ABR: variants seen among roughly 807,000 people sequenced by gnomAD.
ABR encodes ABR activator of RhoGEF and GTPase, also known as active breakpoint cluster region-related protein.
A neutral mutation model predicts 107.2 loss-of-function variants in ABR; 35 were observed. That is an observed-to-expected ratio of 0.33 (90% CI 0.25 to 0.43). The LOEUF is 0.43. ABR is among the 20% of genes least tolerant of loss of function. The pLI is 1.00. For missense variants in ABR, 815 were observed against 1,115.2 expected (o/e 0.73, Z 3.83); for synonymous variants, 498 against 462.0 (o/e 1.08, Z -1.00).
intron 2 of ABR, among the ~76,000 whole-genome samples, chr17:1,109,742 G>C (rs997004374): frequency 6.6e-6 from 1 of 152,112 alleles, no homozygotes; most frequent in African/African-American, 2.4e-5. Context: ...GAGGAGTCAG[G>C]CTTTGCAACA....
At chr17:1,194,567 C>T (rs570878627) in intron 1 of ABR, among the ~76,000 whole-genome samples, 1 of 129,384 alleles carries the variant, frequency 7.7e-6, no homozygotes, top group African/African-American at 2.6e-5. Context: ...TCATAGCTCA[C>T]TACAGTCTCG....
upstream of ABR, among the ~76,000 whole-genome samples, chr17:1,180,127 A>AG (rs2042082430): frequency 1.5e-5 from 2 of 134,620 alleles, no homozygotes; most frequent in East Asian, 2.1e-4. Flanking sequence ...GGCCGGGCTA[A>AG]GGGGGCAGCG....
In ABR at chr17:1,012,572, C is replaced by CG. The variant is rs765550344; in HGVS notation, c.1961+115dup. ...ACACCGGCCATCTGCCACCGCCGAG[C>CG]GGGGGGTAACTGATTAGGTGCCAGG... On this transcript the variant is annotated intron_variant, in intron 18 of 22. Coordinates refer to ENST00000302538, the MANE Select transcript of ABR (RefSeq NM_021962.5). 7.9e-5 allele frequency: 61 copies of CG among 772,880 alleles called. No individual in the cohort carries two copies. The Middle Eastern group carries it at 3.8e-3, about 48-fold the overall frequency. 47.9% of individuals were successfully genotyped at this position (772,880 alleles called of 1,614,324 possible).
At chr17:1,012,902 C>A in intron 17 of ABR, 105 bp from the exon 18 acceptor site, 1 of 1,116,108 alleles carries the variant, frequency 9.0e-7, no homozygotes, top group Non-Finnish European at 1.3e-6. Flanking sequence ...TGAGGGCTAG[C>A]TCACACCCAG....
intron 16 of ABR, among the ~76,000 whole-genome samples, chr17:1,026,486 G>T (rs1246007418): frequency 2.0e-5 from 3 of 152,190 alleles, no homozygotes; most frequent in East Asian, 3.9e-4. Flanking sequence ...CTCAGGAGCT[G>T]GTTCCGCTGT....
intron 16 of ABR, among the ~76,000 whole-genome samples, chr17:1,029,885 G>T (rs369035013): frequency 2.0e-5 from 3 of 151,290 alleles, no homozygotes; most frequent in East Asian, 4.0e-4. Context: ...CTGCGTCCAC[G>T]ACACGGACAC....
In ABR at chr17:1,005,508, C is replaced by T. The variant is rs557142307; in HGVS notation, c.*572G>A. The T allele has an allele frequency of 5.9e-5, 13 of 221,866 alleles. No individual in the cohort carries two copies. Among genetic ancestry groups the T allele is most frequent in the African/African-American group, 2.7e-4 (12 of 44,312 alleles). 13.7% of individuals were successfully genotyped at this position (221,866 alleles called of 1,614,324 possible). ...GCAGCATCAAACAGACCACTGCTGC[C>T]GCGGCAACCCAGGGCCTCTTCAGAG... On this transcript the variant is annotated 3_prime_UTR_variant, in exon 23 of 23. Transcript: ENST00000302538.
intron 2 of ABR, among the ~76,000 whole-genome samples, chr17:1,110,596 G>A (rs1431778329): frequency 6.6e-6 from 1 of 152,148 alleles, no homozygotes; most frequent in Non-Finnish European, 1.5e-5. Flanking sequence ...TGTGGCCCGA[G>A]TTCAGGCCAC....
intron 4 of ABR, 147 bp from the exon 5 acceptor site, chr17:1,083,774 A>C (rs1364678556): frequency 4.4e-6 from 3 of 679,588 alleles, no homozygotes; most frequent in Non-Finnish European, 8.0e-6. Context: ...AAACGCAGGG[A>C]TGAACATATT....
chr17:1,126,464 C>T (rs1159757764), intron 1 of ABR: 1 of 152,340 alleles, frequency 6.6e-6, no homozygotes, highest in African/African-American at 2.4e-5. Flanking sequence ...GGGTAAGCTT[C>T]AGCACTCGTG....
chr17:1,134,865 T>C (rs73975646), intron 1 of ABR, among the ~76,000 whole-genome samples: 150,732 of 152,374 alleles, frequency 0.99, 74,576 homozygotes, highest in Middle Eastern at 1. Flanking sequence ...TGGCACAGGG[T>C]GGCTGCTACT....
At position 1,070,052 on chromosome 17, in the gene ABR, C is replaced by T. The variant is rs970351607; in HGVS notation, c.933G>A (p.Val311=). 1.2e-6 allele frequency: 2 copies of T among 1,613,770 alleles called. No individual in the cohort carries two copies. The highest frequency in any genetic ancestry group is 1.3e-5 in the African/African-American group (1 of 74,938). The change falls in exon 9 of 23, where the codon GTG becomes GTA. Residue 311 remains valine, a synonymous_variant. Coordinates refer to ENST00000302538, the MANE Select transcript of ABR (RefSeq NM_021962.5). The surrounding 1 kb of genome is among the most constrained non-coding windows in gnomAD (Gnocchi z 4.2). The part of the protein sequence containing the change: ...QLVKDGFLVE[V]SESSRKLRHV... ...GCCGCAGCTTCCGGGAGCTCTCTGA[C>T]ACTTCCACCAGGAAGCCGTCCTTCA... is the stretch of plus-strand genomic sequence containing the variant.
chr17:1,013,328 C>T, intron 16 of ABR, 164 bp from the exon 17 acceptor site: 1 of 735,410 alleles, frequency 1.4e-6, no homozygotes, highest in South Asian at 1.8e-5. Context: ...TTGGGGGGAC[C>T]CTAGCCCCCA....
Position 1,012,757 on chromosome 17 carries a change from A to C in ABR, c.1892T>G (p.Met631Arg). 6.3e-7 allele frequency: 1 copy of C among 1,598,014 alleles called. No individual in the cohort carries two copies. The highest frequency in any genetic ancestry group is 8.5e-7 in the Non-Finnish European group (1 of 1,171,662). ...EFSMKFTSRD[M>R]SLKRTPSKKQ... ...TTTGGACGGGGTCCTCTTCAGGCTC[A>C]TATCTCGGCTGGTGAATTTCATGGA... The change falls in exon 18 of 23, where the codon ATG becomes AGG. Residue 631 changes from methionine to arginine, a missense_variant. This residue lies in a region of ABR where 92 missense variants were observed against 82.3 expected (regional missense o/e 1.12). Transcript: ENST00000302538.
At chr17:1,215,571 C>T (rs2042985043) in intron 1 of ABR, among the ~76,000 whole-genome samples, 1 of 152,090 alleles carries the variant, frequency 6.6e-6, no homozygotes, top group African/African-American at 2.4e-5. Context: ...AGTGCAGTGG[C>T]GTGATCTCGG....
intron 1 of ABR, among the ~76,000 whole-genome samples, chr17:1,159,766 TCA>T (rs1258351578): frequency 6.6e-6 from 1 of 151,274 alleles, no homozygotes; most frequent in Non-Finnish European, 1.5e-5. Flanking sequence ...AACGCAGTAC[TCA>T]CACACAGGAA....
At chr17:1,186,298 A>T (rs148732713) in intron 1 of ABR, among the ~76,000 whole-genome samples, 2 of 152,230 alleles carry the variant, frequency 1.3e-5, no homozygotes, top group Admixed American at 1.3e-4. Context: ...CGGCTTTTCC[A>T]GCAGCCAGTG....
chr17:1,025,776 G>A (rs1040766946), intron 16 of ABR, among the ~76,000 whole-genome samples: 11 of 151,994 alleles, frequency 7.2e-5, no homozygotes, highest in African/African-American at 1.9e-4. Context: ...TCATCTGACC[G>A]GCAAGGATCT....
intron 16 of ABR, among the ~76,000 whole-genome samples, chr17:1,021,947 T>C (rs2071701149): frequency 6.6e-6 from 1 of 150,690 alleles, no homozygotes; most frequent in Non-Finnish European, 1.5e-5. Flanking sequence ...TCACTCGAGC[T>C]CAGGAGTTCG....
Sources: gnomAD v4.1 joint callset for allele counts (sites outside exome capture counted in the v4.1 genomes callset) on GRCh38, gnomAD v4.1.1 for gene constraint, gnomAD v4.1.1 regional missense constraint, Gnocchi (gnomAD v3.1) non-coding constraint, MANE v1.5 for transcripts, NCBI Gene and HGNC (gene_info 2026-07-23, HGNC 2026-07-21) for gene names.